Variants in TTC12 observed in about 807,000 individuals in gnomAD.
The protein encoded by TTC12 is tetratricopeptide repeat protein 12.
A neutral mutation model predicts 90.1 loss-of-function variants in TTC12; 70 were observed. That is an observed-to-expected ratio of 0.78 (90% CI 0.64 to 0.95). TTC12 has a LOEUF of 0.95. Among genes scored for constraint, TTC12 ranks in the 40% least tolerant of loss-of-function variants. TTC12 has a pLI of 0.00. For synonymous variants in TTC12, 296 were observed against 311.5 expected (o/e 0.95, Z 0.53); for missense variants, 819 against 846.1 (o/e 0.97, Z 0.40).
At chr11:113,323,686 C>A (rs1237676326) in intron 3 of TTC12, among the ~76,000 whole-genome samples, 3 of 151,988 alleles carry the variant, frequency 2.0e-5, no homozygotes, top group African/African-American at 7.3e-5. Flanking sequence ...ACCCCCTGAG[C>A]TTGTGTGATA....
At chr11:113,365,772 C>T (rs1483095236) in intron 21 of TTC12, among the ~76,000 whole-genome samples, 1 of 152,242 alleles carries the variant, frequency 6.6e-6, no homozygotes, top group African/African-American at 2.4e-5. Context: ...GTGAGAGAGG[C>T]TCCTTCCCTT....
At position 113,323,360 on chromosome 11, in the gene TTC12, G is replaced by A. The variant is rs1555139426; in HGVS notation, c.131G>A (p.Arg44Lys). The change falls in exon 3 of 22, where the codon AGA (arginine) becomes AAA (lysine). Residue 44 changes from arginine to lysine, a missense_variant. By Grantham distance (26) the Arg-to-Lys change is conservative. Coordinates refer to ENST00000529221, the MANE Select transcript of TTC12 (RefSeq NM_017868.4). ...QQKAVLETEKRLLLMEEDQEE... is the reference protein window; with the variant it reads ...QQKAVLETEKKLLLMEEDQEE... Reference sequence around the variant, plus strand: ...AAAGCTGTCCTGGAGACAGAAAAGAGACTACTGCTTATGGAGGAAGACCAG... The same window carrying A: ...AAAGCTGTCCTGGAGACAGAAAAGAAACTACTGCTTATGGAGGAAGACCAG... The A allele has an allele frequency of 6.2e-7, 1 of 1,613,452 alleles. No homozygotes were observed. The highest frequency in any genetic ancestry group is 8.5e-7 in the Non-Finnish European group (1 of 1,179,784).
chr11:113,362,368 G>T, intron 18 of TTC12, 33 bp from the exon 19 acceptor site: 1 of 1,507,672 alleles, frequency 6.6e-7, no homozygotes, highest in Non-Finnish European at 9.2e-7. Context: ...TTCTGAAAAG[G>T]ACATTTAATT....
At chr11:113,358,773 G>T (rs1423367378) in intron 16 of TTC12, among the ~76,000 whole-genome samples, 1 of 152,160 alleles carries the variant, frequency 6.6e-6, no homozygotes, top group Non-Finnish European at 1.5e-5. Flanking sequence ...TGGTCAAGGG[G>T]ATTTCTCCTG....
At chr11:113,371,461 C>T (rs915611205) in intron 21 of TTC12, 4 of 151,998 alleles carry the variant, frequency 2.6e-5, no homozygotes, top group African/African-American at 7.3e-5. Context: ...ATTTGGAACC[C>T]GAGGGTACAG....
Position 113,364,896 on chromosome 11 carries a change from C to A in TTC12, c.1878C>A (p.Ala626=). 6.2e-7 allele frequency: 1 copy of A among 1,614,188 alleles called. No homozygotes were observed. The highest frequency in any genetic ancestry group is 8.5e-7 in the Non-Finnish European group (1 of 1,180,036). ...ATGAGGTTCTGGTGGGCAACGCTGC[C>A]CTCTGCCTTGGTAACTGCATGGAGG... ...SEDEVLVGNA[A]LCLGNCMEVP... The change falls in exon 21 of 22, where the codon GCC becomes GCA. Residue 626 remains alanine (A), a synonymous_variant. Coordinates refer to ENST00000529221, the MANE Select transcript of TTC12 (RefSeq NM_017868.4).
intron 10 of TTC12, among the ~76,000 whole-genome samples, chr11:113,339,779 G>A (rs938732252): frequency 1.3e-5 from 2 of 151,946 alleles, no homozygotes; most frequent in Admixed American, 6.6e-5. Flanking sequence ...TCACTCACTT[G>A]AATATATCCT....
At position 113,366,368 on chromosome 11, in the gene TTC12, A is replaced by G; in HGVS notation, c.*68A>G. On this transcript the variant is annotated 3_prime_UTR_variant, in exon 22 of 22. Coordinates refer to ENST00000529221, the MANE Select transcript of TTC12 (RefSeq NM_017868.4). ...CACCGTGTGTTGTTCCTATGCTAAT[A>G]AAGACCTTTGATGTATCCACTTCAG... 1.9e-6 allele frequency: 3 copies of G among 1,603,488 alleles called. No homozygotes were observed. The highest frequency in any genetic ancestry group is 2.2e-5 in the East Asian group (1 of 44,818).
chr11:113,362,271 C>G (rs1422448921), intron 18 of TTC12, 130 bp from the exon 19 acceptor site: 1 of 644,022 alleles, frequency 1.6e-6, no homozygotes, highest in Non-Finnish European at 2.8e-6. Flanking sequence ...TATTATTTGG[C>G]CATCATATTT....
At chr11:113,324,138 T>A in intron 4 of TTC12, 123 bp downstream of exon 4, 1 of 737,104 alleles carries the variant, frequency 1.4e-6, no homozygotes, top group South Asian at 1.7e-5. Context: ...AACAAAAACC[T>A]ACTGATCATC....
At chr11:113,332,025 G>C (rs1239444809) in intron 7 of TTC12, among the ~76,000 whole-genome samples, 1 of 152,218 alleles carries the variant, frequency 6.6e-6, no homozygotes, top group Non-Finnish European at 1.5e-5. Context: ...AATAGTATTA[G>C]TACTTTCATG....
At chr11:113,339,165 T>G in intron 9 of TTC12, 121 bp from the exon 10 acceptor site, 2 of 811,244 alleles carry the variant, frequency 2.5e-6, no homozygotes, top group South Asian at 1.9e-5. Flanking sequence ...GTTTTAATTA[T>G]TTTAATGCTT....
intron 6 of TTC12, chr11:113,329,541 G>A (rs552060530): frequency 1.3e-5 from 6 of 460,296 alleles, no homozygotes; most frequent in South Asian, 3.1e-5. Flanking sequence ...CCTGGCCTTC[G>A]GCTCTGGTGA....
At chr11:113,344,897 A>G in intron 13 of TTC12, among the ~76,000 whole-genome samples, 1 of 152,230 alleles carries the variant, frequency 6.6e-6, no homozygotes, top group Admixed American at 6.5e-5. Context: ...ATACTGTTGC[A>G]TGGAGGTCTT....
rs1283215171 is a variant in TTC12 at position 113,344,256 on chromosome 11, CCT to C, written c.986-13_986-12del. The stretch of plus-strand genomic sequence containing the variant: ...ATGATGGCATGCACAAGACACACAA[CCT>C]CTGTGTTTTGCAGAGGAAAACCAGC... On this transcript the variant is annotated splice_polypyrimidine_tract_variant and intron_variant, in intron 12 of 21. Transcript: ENST00000529221. 1.4e-5 allele frequency: 23 copies of C among 1,604,368 alleles called. No individual in the cohort carries two copies. Among genetic ancestry groups the C allele is most frequent in the Non-Finnish European group, 1.8e-5 (21 of 1,173,704 alleles).
At chr11:113,340,114 C>T (rs1948599481) in intron 10 of TTC12, among the ~76,000 whole-genome samples, 1 of 152,200 alleles carries the variant, frequency 6.6e-6, no homozygotes, top group Non-Finnish European at 1.5e-5. Context: ...CCATACTGTT[C>T]TCTTTTACTA....
In TTC12 at chr11:113,366,320, C is replaced by T. The variant is rs749028812; in HGVS notation, c.*20C>T. ...TCTTGAGAGAGACAGGGTTTGTGTG[C>T]ATTTGGGGAACACACAGATGCACAC... is the stretch of plus-strand genomic sequence containing the variant. On this transcript the variant is annotated 3_prime_UTR_variant, in exon 22 of 22. Transcript: ENST00000529221. The T allele has an allele frequency of 6.8e-6, 11 of 1,612,650 alleles. No individual in the cohort carries two copies. The highest frequency in any genetic ancestry group is 2.2e-5 in the East Asian group (1 of 44,896).
At chr11:113,331,946 TAAAA>T (rs372418476) in intron 7 of TTC12, among the ~76,000 whole-genome samples, 99 of 152,378 alleles carry the variant, frequency 6.5e-4, no homozygotes, top group African/African-American at 2.3e-3. Flanking sequence ...AGCTGTGAAT[TAAAA>T]GAAAAGCTTT....
intron 7 of TTC12, 164 bp from the exon 8 acceptor site, chr11:113,334,802 G>A: frequency 1.8e-6 from 1 of 557,622 alleles, no homozygotes; most frequent in Non-Finnish European, 3.2e-6. Context: ...CTCCTTGCAG[G>A]CATCAATTAG....
Sources: allele counts gnomAD v4.1 joint callset (sites outside exome capture counted in the v4.1 genomes callset), GRCh38; gene constraint gnomAD v4.1.1; transcripts MANE v1.5; gene names NCBI Gene and HGNC (gene_info 2026-07-23, HGNC 2026-07-21).